PELP1: variants seen among roughly 807,000 people sequenced by gnomAD.
The protein encoded by PELP1 is proline-, glutamic acid- and leucine-rich protein 1.
Under a neutral mutation model 95.5 loss-of-function variants are expected in PELP1, and 32 were observed. The observed-to-expected ratio is 0.34, with a 90% confidence interval of 0.25 to 0.45. The LOEUF is 0.45. Among genes scored for constraint, PELP1 ranks in the 20% least tolerant of loss-of-function variants. The probability of loss-of-function intolerance (pLI) is 1.00; values close to 1 mark genes in which losing one functional copy is unlikely to be tolerated. For synonymous variants in PELP1, 668 were observed against 600.1 expected (o/e 1.11, Z -1.65); for missense variants, 1,358 against 1,444.8 (o/e 0.94, Z 0.97).
intron 1 of PELP1, among the ~76,000 whole-genome samples, chr17:4,703,203 C>A (rs188379665): frequency 6.8e-4 from 104 of 152,218 alleles, no homozygotes; most frequent in African/African-American, 2.4e-3. Flanking sequence ...CACATCTGAG[C>A]CCCAGGAACG....
intron 1 of PELP1, among the ~76,000 whole-genome samples, chr17:4,700,992 T>TAA (rs34278447): frequency 0.04 from 1,181 of 29,436 alleles, 105 homozygotes; most frequent in Non-Finnish European, 0.052. Context: ...AAAGTTCCAC[T>TAA]AAAAAAAAAA....
intron 1 of PELP1, among the ~76,000 whole-genome samples, chr17:4,694,304 A>G (rs1479167269): frequency 6.6e-6 from 1 of 151,962 alleles, no homozygotes; most frequent in Non-Finnish European, 1.5e-5. Flanking sequence ...TGAGCACAGC[A>G]ATGACCGCAC....
At chr17:4,676,189 A>G in intron 7 of PELP1, 27 bp from the exon 8 acceptor site, 1 of 1,610,986 alleles carries the variant, frequency 6.2e-7, no homozygotes, top group Non-Finnish European at 8.5e-7. Context: ...TACCCTGTAC[A>G]CTGTCTTTCT....
chr17:4,676,054 C>T lies in PELP1; in HGVS notation c.962G>A (p.Cys321Tyr). ...LRQRFSGLAR[C>Y]LGLMLSSEFG... is the part of the protein sequence containing the mutation. The stretch of plus-strand genomic sequence containing the variant: ...CACACACCTGAGCATGAGCCCTAGG[C>T]AGCGGGCCAGTCCCGAAAACCTCTG... Residue 321 changes from cysteine (C) to tyrosine (Y), a missense_variant, in exon 8 of 17, where the codon TGC (cysteine) becomes TAC (tyrosine). Cys to Tyr is a radical substitution (Grantham distance 194, BLOSUM62 -2). This residue lies in a region of PELP1 where 538 missense variants were observed against 628.1 expected (regional missense o/e 0.86). Transcript: ENST00000572293. 1 of 1,613,914 alleles carries T rather than the reference C, an allele frequency of 6.2e-7. No individual in the cohort carries two copies. Among genetic ancestry groups the T allele is most frequent in the Non-Finnish European group, 8.5e-7 (1 of 1,179,868 alleles).
At position 4,672,528 on chromosome 17, in the gene PELP1, A is replaced by C; in HGVS notation, c.2463T>G (p.Pro821=). The change falls in exon 16 of 17, where the codon CCT becomes CCG. Residue 821 remains proline, a synonymous_variant. Coordinates refer to ENST00000572293, the MANE Select transcript of PELP1 (RefSeq NM_014389.3). ...CAGGCTCCTCCTTCGCTGGCACAGG[A>C]GGGGAGGCTGTTGGTGGCCCAGTGG... ...IAPTGPPTAS[P]PVPAKEEPEE... 8.8e-7 allele frequency: 1 copy of C among 1,139,846 alleles called. No individual in the cohort carries two copies. Among genetic ancestry groups the C allele is most frequent in the Non-Finnish European group, 1.1e-6 (1 of 912,564 alleles). The allele number at this position is 1,139,846 out of a possible 1,614,324, so 70.6% of individuals were successfully genotyped here.
At chr17:4,686,026 G>A (rs973487101) in intron 3 of PELP1, among the ~76,000 whole-genome samples, 1 of 152,084 alleles carries the variant, frequency 6.6e-6, no homozygotes, top group Admixed American at 6.6e-5. Context: ...GAACCCGGGA[G>A]GTGGAGGTTG....
chr17:4,671,764 A>T lies in PELP1; in HGVS notation c.3227T>A (p.Val1076Glu). 2.6e-6 allele frequency: 4 copies of T among 1,521,974 alleles called. No homozygotes were observed. The highest frequency in any genetic ancestry group is 3.5e-6 in the Non-Finnish European group (4 of 1,139,556). 94.3% of individuals were successfully genotyped at this position (1,521,974 alleles called of 1,614,324 possible). A position where few individuals can be genotyped will look rare whatever the true frequency, so the allele number is the denominator to read the frequency against. ...EEETEDGSDKVQPPPETPAEE... is the reference protein window; with the variant it reads ...EEETEDGSDKEQPPPETPAEE... ...TGCAGGTGTCTCTGGTGGGGGCTGCACCTTGTCACTCCCATCCTCAGTCTC... is the reference window on the plus strand; with the variant it reads ...TGCAGGTGTCTCTGGTGGGGGCTGCTCCTTGTCACTCCCATCCTCAGTCTC... The change falls in exon 16 of 17, where the codon GTG (valine) becomes GAG (glutamate). Residue 1076 changes from valine (V) to glutamate (E), a missense_variant. Val to Glu is a moderately radical substitution (Grantham distance 121, BLOSUM62 -2). Around this residue, in one of 7 missense-constraint regions of PELP1, gnomAD observed 283 missense variants for 284.1 expected, o/e 1.00. Coordinates refer to ENST00000572293, the MANE Select transcript of PELP1 (RefSeq NM_014389.3).
intron 1 of PELP1, among the ~76,000 whole-genome samples, chr17:4,697,330 T>C (rs775005779): frequency 1.3e-5 from 2 of 152,178 alleles, no homozygotes; most frequent in South Asian, 2.1e-4. Context: ...CTCAGCAACA[T>C]AGCGAGACCT....
intron 3 of PELP1, 36 bp from the exon 4 acceptor site, chr17:4,682,988 C>T (rs1437799078): frequency 2.9e-5 from 41 of 1,437,038 alleles, no homozygotes; most frequent in Non-Finnish European, 3.8e-5. Context: ...CTTCCAGCCT[C>T]ACCTTGATTG....
intron 12 of PELP1, 46 bp downstream of exon 12, chr17:4,674,763 C>T: frequency 6.3e-7 from 1 of 1,589,240 alleles, no homozygotes. Context: ...CACACTTGGT[C>T]AAAGGGCACA....
Position 4,675,790 on chromosome 17 carries a change from C to T in PELP1, c.1068+7G>A. 6.4e-7 allele frequency: 1 copy of T among 1,557,524 alleles called. No homozygotes were observed. The highest frequency in any genetic ancestry group is 8.7e-7 in the Non-Finnish European group (1 of 1,146,958). ...AGGGCTCTGAAGAGATGACAAATCC[C>T]ACTTACAATATTCTTGCTACTGACG... is the stretch of plus-strand genomic sequence containing the variant. On this transcript the variant is annotated splice_region_variant and intron_variant, in intron 9 of 16. Coordinates refer to ENST00000572293, the MANE Select transcript of PELP1 (RefSeq NM_014389.3). This position sits in a 1 kb window ranked among gnomAD's most constrained non-coding sequence, Gnocchi z 4.3.
intron 3 of PELP1, among the ~76,000 whole-genome samples, chr17:4,684,804 G>T (rs138561792): frequency 5.9e-4 from 90 of 152,256 alleles, no homozygotes; most frequent in African/African-American, 2.0e-3. Flanking sequence ...TGGTTCAAGC[G>T]ATTCTCCTGC....
At chr17:4,680,849 C>G (rs374902384) in intron 5 of PELP1, among the ~76,000 whole-genome samples, 20 of 152,330 alleles carry the variant, frequency 1.3e-4, no homozygotes, top group African/African-American at 4.6e-4. Context: ...ATACTGCAAA[C>G]AACAAATGTG....
In PELP1 at chr17:4,683,515, A is replaced by C. The variant is rs7207027; in HGVS notation, c.421-563T>G. 5.4e-3 allele frequency among the ~76,000 whole-genome samples: 684 copies of C among 125,922 alleles called. 7 individuals are homozygous for C. The highest frequency in any genetic ancestry group is 8.4e-3 in the Non-Finnish European group (506 of 60,452). 82.6% of individuals were successfully genotyped at this position (125,922 alleles called of 152,430 possible). On this transcript the variant is annotated intron_variant, in intron 3 of 16. Coordinates refer to ENST00000572293, the MANE Select transcript of PELP1 (RefSeq NM_014389.3). The stretch of plus-strand genomic sequence containing the variant: ...ATTACAGGTGTGAGCCATCACGCCC[A>C]GCTGAGTTTTCTTTTCTTTTTTTTT...
intron 3 of PELP1, among the ~76,000 whole-genome samples, chr17:4,685,340 C>CTGT (rs1216182203): frequency 6.6e-6 from 1 of 152,294 alleles, no homozygotes; most frequent in East Asian, 1.9e-4. Context: ...CTTCTTCTTT[C>CTGT]TGTTGGCCTG....
At chr17:4,677,222 A>G (rs1184772198) in intron 5 of PELP1, among the ~76,000 whole-genome samples, 1 of 152,200 alleles carries the variant, frequency 6.6e-6, no homozygotes, top group Admixed American at 6.5e-5. Flanking sequence ...GTATGAGGGC[A>G]GGACAAGGTC....
rs775559899 is a variant in PELP1, at chr17:4,676,102, G to C, written c.914C>G (p.Ala305Gly). The change falls in exon 8 of 17, where the codon GCC becomes GGC. Residue 305 changes from alanine (A) to glycine (G), a missense_variant. Transcript: ENST00000572293. ...CTGCCGAAGCTGGAGAAGGACATGG[G>C]CATCACCATCTTCTGAGGACAGCAG... ...EMLLSSEDGD[A>G]HVLLQLRQRF... 6.2e-7 allele frequency: 1 copy of C among 1,613,780 alleles called. No homozygotes were observed. The highest frequency in any genetic ancestry group is 1.3e-5 in the African/African-American group (1 of 74,906).
At chr17:4,703,780 A>C in intron 1 of PELP1, 83 bp downstream of exon 1, 2 of 1,232,578 alleles carry the variant, frequency 1.6e-6, no homozygotes, top group Non-Finnish European at 2.3e-6. Flanking sequence ...TCCCTATCGC[A>C]CTTGCACTGC....
intron 1 of PELP1, among the ~76,000 whole-genome samples, chr17:4,700,240 T>G (rs1327634467): frequency 6.6e-6 from 1 of 152,024 alleles, no homozygotes; most frequent in Non-Finnish European, 1.5e-5. Context: ...CTGATGAAAA[T>G]GATCCAACAA....
Sources: allele counts gnomAD v4.1 joint callset (sites outside exome capture counted in the v4.1 genomes callset), GRCh38; gene constraint gnomAD v4.1.1; regional missense constraint gnomAD v4.1.1; non-coding constraint Gnocchi (gnomAD v3.1); transcripts MANE v1.5; gene names NCBI Gene and HGNC (gene_info 2026-07-23, HGNC 2026-07-21).